UIMC1: variants seen among roughly 807,000 people sequenced by gnomAD.
The protein encoded by UIMC1 is ubiquitin interaction motif containing 1.
UIMC1 carries 42 observed loss-of-function variants against 84.9 expected under a neutral mutation model. That is an observed-to-expected ratio of 0.49 (90% confidence interval 0.39 to 0.64). The LOEUF (loss-of-function observed/expected upper bound fraction) is 0.64. Among genes scored for constraint, UIMC1 ranks in the 30% least tolerant of loss-of-function variants. The probability of loss-of-function intolerance (pLI) is 0.00; values close to 1 mark genes in which losing one functional copy is unlikely to be tolerated. For synonymous variants in UIMC1, 281 were observed against 293.0 expected, an observed-to-expected ratio of 0.96 and a Z score of 0.42; for missense variants, 825 against 847.6, an observed-to-expected ratio of 0.97 and a Z score of 0.33.
intron 8 of UIMC1, among the ~76,000 whole-genome samples, chr5:176,954,465 A>G (rs1011536927): frequency 5.9e-5 from 9 of 152,140 alleles, no homozygotes; most frequent in Admixed American, 5.9e-4. Flanking sequence ...GCTGAGCACG[A>G]TGGTTCATGC....
intron 1 of UIMC1, among the ~76,000 whole-genome samples, chr5:176,996,894 T>C (rs967013025): frequency 2.6e-5 from 4 of 152,066 alleles, no homozygotes; most frequent in African/African-American, 7.3e-5. Context: ...CTCCATGAAA[T>C]AAGACAGCCA....
intron 10 of UIMC1, among the ~76,000 whole-genome samples, chr5:176,933,256 ATTC>A (rs1263088428): frequency 6.6e-5 from 10 of 152,234 alleles, no homozygotes; most frequent in African/African-American, 2.2e-4. Context: ...ACTTCAGAGA[ATTC>A]TTCTTCGAAG....
Position 177,022,146 on chromosome 5 carries a change from A to G in UIMC1, c.-9+318T>C, listed in dbSNP as rs185253576. ...GGGAAGGAGCAGCTCTGGGGTTGGA[A>G]GATAAAATTTGGGGTCTGACAGCTA... On this transcript the variant is annotated intron_variant, in intron 1 of 5. Coordinates refer to the UIMC1 transcript ENST00000509236. Among the ~76,000 whole-genome samples, 405 of 152,230 alleles carry G rather than the reference A, an allele frequency of 2.7e-3. 1 individual carries two copies. Among genetic ancestry groups the G allele is most frequent in the African/African-American group, 9.5e-3 (395 of 41,534 alleles).
chr5:177,015,527 G>A (rs1775651455), intron 1 of UIMC1, among the ~76,000 whole-genome samples: 1 of 152,146 alleles, frequency 6.6e-6, no homozygotes, highest in Non-Finnish European at 1.5e-5. Context: ...TTCCCAAACT[G>A]TCACTGCAGT....
chr5:176,942,048 T>C (rs1231394027), intron 10 of UIMC1, among the ~76,000 whole-genome samples: 1 of 152,184 alleles, frequency 6.6e-6, no homozygotes, highest in African/African-American at 2.4e-5. Context: ...TTTCACCACG[T>C]TGACCAGGCT....
At chr5:176,907,685 A>C (rs1581324972) in intron 12 of UIMC1, among the ~76,000 whole-genome samples, 1 of 152,200 alleles carries the variant, frequency 6.6e-6, no homozygotes, top group African/African-American at 2.4e-5. Context: ...CCAAAAGTAC[A>C]TCCATCCTTC....
chr5:176,928,947 T>C (rs980251953), intron 10 of UIMC1, among the ~76,000 whole-genome samples: 21 of 150,754 alleles, frequency 1.4e-4, no homozygotes, highest in African/African-American at 4.6e-4. Flanking sequence ...TGAAACTACG[T>C]CTTTTAAAAA....
intron 9 of UIMC1, among the ~76,000 whole-genome samples, chr5:176,946,620 A>C (rs1405829379): frequency 2.0e-5 from 3 of 152,236 alleles, no homozygotes; most frequent in Non-Finnish European, 4.4e-5. Context: ...GGATCACTTG[A>C]GGTCAAGAGT....
At chr5:176,940,978 T>C (rs377251762) in intron 10 of UIMC1, among the ~76,000 whole-genome samples, 1 of 152,194 alleles carries the variant, frequency 6.6e-6, no homozygotes, top group East Asian at 1.9e-4. Flanking sequence ...AAGCTCAAAC[T>C]GACTGGCCCT....
At chr5:176,959,718 A>G (rs1449773103) in intron 6 of UIMC1, among the ~76,000 whole-genome samples, 1 of 140,706 alleles carries the variant, frequency 7.1e-6, no homozygotes, top group East Asian at 2.0e-4. Context: ...TCCGTCTCAA[A>G]AAAAAAAAAA....
chr5:176,942,549 T>G (rs1764560078), intron 10 of UIMC1, among the ~76,000 whole-genome samples: 1 of 150,306 alleles, frequency 6.7e-6, no homozygotes, highest in South Asian at 2.1e-4. Flanking sequence ...GAGACCATCA[T>G]GGCTAATATG....
chr5:176,907,185 A>C lies in UIMC1; in HGVS notation c.1849-8T>G. On this transcript the variant is annotated splice_region_variant and splice_polypyrimidine_tract_variant and intron_variant, in intron 12 of 14. Coordinates refer to ENST00000511320, the MANE Select transcript of UIMC1 (RefSeq NM_001199298.2). ...TTCACTGTGGCCTTTTTCCTGTAAC[A>C]GAGAAAAACAGATGAAAAGGTTACT... 6.2e-7 allele frequency: 1 copy of C among 1,611,814 alleles called. No homozygotes were observed. Among genetic ancestry groups the C allele is most frequent in the African/African-American group, 1.3e-5 (1 of 75,012 alleles).
At chr5:176,977,075 T>G (rs79890585) in intron 2 of UIMC1, among the ~76,000 whole-genome samples, 14,109 of 151,774 alleles carry the variant, frequency 0.093, 1,322 homozygotes, top group African/African-American at 0.24. Context: ...ATACAAAAAT[T>G]TGCCAGGCGT....
chr5:177,009,183 G>T (rs1465897498), upstream of UIMC1, among the ~76,000 whole-genome samples: 1 of 151,528 alleles, frequency 6.6e-6, no homozygotes, highest in Non-Finnish European at 1.5e-5. This position sits in a 1 kb window ranked among gnomAD's most constrained non-coding sequence, Gnocchi z 4.3. Context: ...TTTTTTCGTT[G>T]TTTTTTTGTG....
intron 10 of UIMC1, among the ~76,000 whole-genome samples, chr5:176,917,792 T>G (rs1004650497): frequency 6.6e-6 from 1 of 152,168 alleles, no homozygotes; most frequent in Non-Finnish European, 1.5e-5. Flanking sequence ...AAACCCCATC[T>G]CTAGTAAAAA....
chr5:176,967,929 A>T (rs1312257379), intron 6 of UIMC1, among the ~76,000 whole-genome samples: 1 of 151,776 alleles, frequency 6.6e-6, no homozygotes. Context: ...AAATTTATAC[A>T]AAAAATAAAT....
chr5:176,932,858 CTTTTTTTTTT>C (rs749495757), intron 10 of UIMC1, among the ~76,000 whole-genome samples: 61 of 106,634 alleles, frequency 5.7e-4, no homozygotes, highest in African/African-American at 2.6e-3. Flanking sequence ...AATAGCAATG[CTTTTTTTTTT>C]TTTTTTTTTT....
intron 9 of UIMC1, among the ~76,000 whole-genome samples, chr5:176,945,018 A>G (rs1483806716): frequency 6.6e-6 from 1 of 152,202 alleles, no homozygotes; most frequent in Non-Finnish European, 1.5e-5. Flanking sequence ...CTGGTCACAA[A>G]GTTACTAAGT....
chr5:176,988,122 C>T (rs1224794364), intron 1 of UIMC1, among the ~76,000 whole-genome samples: 2 of 131,132 alleles, frequency 1.5e-5, no homozygotes, highest in African/African-American at 6.4e-5. Flanking sequence ...ACAGACTACG[C>T]CCCTGTCCAA....
Sources: gnomAD v4.1 joint callset for allele counts (sites outside exome capture counted in the v4.1 genomes callset) on GRCh38, gnomAD v4.1.1 for gene constraint, Gnocchi (gnomAD v3.1) non-coding constraint, MANE v1.5 for transcripts, NCBI Gene and HGNC (gene_info 2026-07-23, HGNC 2026-07-21) for gene names.